Variants in STAG1 observed in about 807,000 individuals in gnomAD.
STAG1 encodes STAG1 cohesin complex component, also known as cohesin subunit SA-1.
STAG1 carries 26 observed loss-of-function variants against 170.9 expected under a neutral mutation model. The ratio of observed to expected loss-of-function variants is 0.15; its 90% CI spans 0.11 to 0.21. The LOEUF is 0.21. Ranked by LOEUF, STAG1 falls within the 10% of genes least tolerant of loss-of-function variation. STAG1 has a pLI of 1.00. For missense variants in STAG1, 964 were observed against 1,509.5 expected (o/e 0.64, Z 5.99); for synonymous variants, 514 against 497.7 (o/e 1.03, Z -0.44).
chr3:136,735,444 T>C (rs1349770373), intron 1 of STAG1, among the ~76,000 whole-genome samples: 4 of 151,676 alleles, frequency 2.6e-5, no homozygotes, highest in African/African-American at 9.7e-5. Context: ...GCATTTTTTT[T>C]TTCCTTTTTT....
chr3:136,739,539 G>A (rs1215908168), intron 1 of STAG1, among the ~76,000 whole-genome samples: 1 of 150,494 alleles, frequency 6.6e-6, no homozygotes, highest in Admixed American at 6.6e-5. Context: ...AAAAAGAAAG[G>A]CTAGGTGTGG....
At chr3:136,379,522 A>C (rs971071080) in intron 22 of STAG1, among the ~76,000 whole-genome samples, 1 of 152,184 alleles carries the variant, frequency 6.6e-6, no homozygotes, top group African/African-American at 2.4e-5. Flanking sequence ...CAGCCTGGCC[A>C]ACATGATGAA....
intron 7 of STAG1, among the ~76,000 whole-genome samples, chr3:136,519,226 TTAGAG>T (rs1293961500): frequency 5.3e-5 from 8 of 152,262 alleles, no homozygotes; most frequent in African/African-American, 1.7e-4. Context: ...TCTTATGTTC[TTAGAG>T]TAAATGGCAT....
chr3:136,686,029 T>C (rs780476845), intron 1 of STAG1, among the ~76,000 whole-genome samples: 2 of 152,182 alleles, frequency 1.3e-5, no homozygotes, highest in Non-Finnish European at 2.9e-5. Context: ...CTCTGATTGG[T>C]GAGTGACAGC....
intron 7 of STAG1, 121 bp downstream of exon 7, chr3:136,521,092 A>G (rs1447407659): frequency 3.6e-6 from 3 of 838,156 alleles, no homozygotes; most frequent in African/African-American, 3.5e-5. Context: ...AACAAAAACT[A>G]TTCAAATGAC....
At chr3:136,659,312 A>G (rs1045416396) in intron 1 of STAG1, among the ~76,000 whole-genome samples, 1 of 152,224 alleles carries the variant, frequency 6.6e-6, no homozygotes, top group Admixed American at 6.5e-5. Context: ...TAACAGTAAT[A>G]TAAGTGTTAA....
intron 9 of STAG1, among the ~76,000 whole-genome samples, chr3:136,491,222 G>C (rs1337545889): frequency 6.6e-6 from 1 of 152,034 alleles, no homozygotes; most frequent in Non-Finnish European, 1.5e-5. Flanking sequence ...GGCTCAAGCA[G>C]TCTTACCATC....
intron 31 of STAG1, 92 bp downstream of exon 31, chr3:136,341,346 CCTA>C: frequency 1.2e-6 from 1 of 809,398 alleles, no homozygotes; most frequent in East Asian, 2.5e-5. Flanking sequence ...AATTTTAACT[CCTA>C]AGACCAAACA....
intron 9 of STAG1, among the ~76,000 whole-genome samples, chr3:136,485,484 A>G (rs1336594561): frequency 2.0e-5 from 3 of 152,144 alleles, no homozygotes. Flanking sequence ...GCTCTACTAT[A>G]AACTGTGAGG....
At chr3:136,651,824 C>T (rs1225610157) in intron 1 of STAG1, among the ~76,000 whole-genome samples, 1 of 152,178 alleles carries the variant, frequency 6.6e-6, no homozygotes, top group African/African-American at 2.4e-5. Flanking sequence ...CCCTGAGATA[C>T]TTCCATGACA....
intron 1 of STAG1, among the ~76,000 whole-genome samples, chr3:136,653,538 T>A (rs1482990340): frequency 6.6e-6 from 1 of 152,184 alleles, no homozygotes; most frequent in Non-Finnish European, 1.5e-5. Flanking sequence ...CCAGCCACTA[T>A]TCTAAACACT....
At chr3:136,428,068 G>C (rs2088185818) in intron 16 of STAG1, among the ~76,000 whole-genome samples, 1 of 150,762 alleles carries the variant, frequency 6.6e-6, no homozygotes. Flanking sequence ...GCAGATCACA[G>C]TGCCCTATTC....
intron 21 of STAG1, among the ~76,000 whole-genome samples, chr3:136,402,458 T>C (rs1366097512): frequency 6.6e-6 from 1 of 151,730 alleles, no homozygotes; most frequent in Non-Finnish European, 1.5e-5. Context: ...GCTCATGATC[T>C]GCCCACCTCA....
At chr3:136,749,538 G>C (rs1335722910) in intron 1 of STAG1, among the ~76,000 whole-genome samples, 2 of 152,110 alleles carry the variant, frequency 1.3e-5, no homozygotes, top group African/African-American at 2.4e-5. Context: ...ACGAGGTGAA[G>C]AGATGGAGAC....
chr3:136,703,585 C>T (rs886718446), intron 1 of STAG1, among the ~76,000 whole-genome samples: 1 of 152,178 alleles, frequency 6.6e-6, no homozygotes. Context: ...AAGGATCTGA[C>T]AGGTCACTAG....
At chr3:136,555,398 T>C (rs185736894) in intron 5 of STAG1, among the ~76,000 whole-genome samples, 3 of 151,290 alleles carry the variant, frequency 2.0e-5, no homozygotes, top group African/African-American at 4.9e-5. Flanking sequence ...AAAAAGTGAA[T>C]CACGACTGGG....
At chr3:136,498,928 TACAC>T (rs1007410379) in intron 9 of STAG1, among the ~76,000 whole-genome samples, 2 of 152,134 alleles carry the variant, frequency 1.3e-5, no homozygotes, top group Non-Finnish European at 2.9e-5. Context: ...CAGATACACA[TACAC>T]ACACAACTTG....
chr3:136,385,932 G>A (rs1237441419), intron 22 of STAG1, among the ~76,000 whole-genome samples: 1 of 152,150 alleles, frequency 6.6e-6, no homozygotes, highest in East Asian at 1.9e-4. Context: ...GAACTCCTGG[G>A]CTCAAACAAT....
intron 1 of STAG1, among the ~76,000 whole-genome samples, chr3:136,728,661 T>C (rs1933826275): frequency 6.6e-6 from 1 of 152,228 alleles, no homozygotes; most frequent in African/African-American, 2.4e-5. Context: ...TAACTATTAC[T>C]ATATTACTTT....
Sources: allele counts gnomAD v4.1 joint callset (sites outside exome capture counted in the v4.1 genomes callset), GRCh38; gene constraint gnomAD v4.1.1; transcripts MANE v1.5; gene names NCBI Gene and HGNC (gene_info 2026-07-23, HGNC 2026-07-21).